CD99L2: variants seen among roughly 807,000 people sequenced by gnomAD.
CD99L2 encodes the protein CD99 antigen-like protein 2.
A neutral mutation model predicts 27.3 loss-of-function variants in CD99L2; 24 were observed. That is an observed-to-expected ratio of 0.88 (90% CI 0.64 to 1.24). The LOEUF (loss-of-function observed/expected upper bound fraction) is 1.24, where lower values mean the gene tolerates loss of function less well. CD99L2 is among the 50% of genes most tolerant of loss of function. The pLI is 0.00. For synonymous variants in CD99L2, 97 were observed against 87.9 expected (o/e 1.10, Z -0.58); for missense variants, 255 against 221.6 (o/e 1.15, Z -0.96).
At position 150,775,957 on chromosome X, in the gene CD99L2, C is replaced by A. The variant is rs148043989; in HGVS notation, c.655+217G>T. Reference sequence around the variant, plus strand: ...CCCTGGAAGGTGAAGGTCATCAGGGCCAGCCCCACGCGCTCTTGCAGGGTG... The same window carrying A: ...CCCTGGAAGGTGAAGGTCATCAGGGACAGCCCCACGCGCTCTTGCAGGGTG... On this transcript the variant is annotated intron_variant, in intron 9 of 10. Transcript: ENST00000370377. 9.8e-3 allele frequency among the ~76,000 whole-genome samples: 1,100 copies of A among 112,461 alleles called. 15 individuals are homozygous for A. Among genetic ancestry groups the A allele is most frequent in the African/African-American group, 0.033 (1,034 of 30,928 alleles).
In CD99L2 at chrX:150,883,440, A is replaced by G. The variant is rs141807868; in HGVS notation, c.67+15082T>C. The stretch of plus-strand genomic sequence containing the variant: ...CTTCTCATATTAAGCTGGGACCCCA[A>G]CGTGTTACACCCTTGGGGCAAGGGC... On this transcript the variant is annotated intron_variant, in intron 1 of 10. Transcript: ENST00000370377. 8.2e-3 allele frequency among the ~76,000 whole-genome samples: 913 copies of G among 111,209 alleles called. 10 individuals carry two copies. Among genetic ancestry groups the G allele is most frequent in the Middle Eastern group, 0.014 (3 of 216 alleles).
intron 1 of CD99L2, among the ~76,000 whole-genome samples, chrX:150,889,321 T>A (rs1447011251): frequency 8.9e-6 from 1 of 112,618 alleles, no homozygotes; most frequent in African/African-American, 3.2e-5. Context: ...GGCTTCTTTG[T>A]CCTCTGGCCT....
chrX:150,767,057 C>G lies in CD99L2; in HGVS notation c.*1977G>C, dbSNP rs958002819. 2.7e-5 allele frequency: 3 copies of G among 112,065 alleles called. No individual in the cohort carries two copies. In the Admixed American group the frequency reaches 2.8e-4, roughly 11 times the overall value. 9.2% of individuals were successfully genotyped at this position (112,065 alleles called of 1,213,427 possible). Reference sequence around the variant, plus strand: ...TCAAGGACTTAGCCATCCGACAGGCCTCACCATAAAGGTAAAGTGGACAAC... The same window carrying G: ...TCAAGGACTTAGCCATCCGACAGGCGTCACCATAAAGGTAAAGTGGACAAC... On this transcript the variant is annotated 3_prime_UTR_variant, in exon 11 of 11. Coordinates refer to ENST00000370377, the MANE Select transcript of CD99L2 (RefSeq NM_031462.4).
At chrX:150,817,140 A>G (rs1268220349) in intron 2 of CD99L2, among the ~76,000 whole-genome samples, 1 of 103,160 alleles carries the variant, frequency 9.7e-6, no homozygotes, top group Non-Finnish European at 2.0e-5. Flanking sequence ...TGGCACATGT[A>G]TACATATGTA....
intron 2 of CD99L2, among the ~76,000 whole-genome samples, chrX:150,825,863 T>C (rs1371866735): frequency 8.9e-6 from 1 of 112,197 alleles, no homozygotes; most frequent in Non-Finnish European, 1.9e-5. Flanking sequence ...CTCTGTAATA[T>C]CGTGCTGTAC....
chrX:150,768,728 C>G lies in CD99L2; in HGVS notation c.*306G>C, dbSNP rs1453869695. The G allele has an allele frequency of 2.4e-5, 8 of 337,984 alleles. No individual in the cohort carries two copies. Among genetic ancestry groups the G allele is most frequent in the Non-Finnish European group, 3.9e-5 (8 of 206,887 alleles). 27.9% of individuals were successfully genotyped at this position (337,984 alleles called of 1,213,427 possible). A position where few individuals can be genotyped will look rare whatever the true frequency, so the allele number is the denominator to read the frequency against. The stretch of plus-strand genomic sequence containing the variant: ...CAGGCCTCAGCATCATCTTGGCCCC[C>G]GCATCCTGTGCTCAGTAAAGCTGGA... On this transcript the variant is annotated 3_prime_UTR_variant, in exon 11 of 11. Transcript: ENST00000370377.
intron 1 of CD99L2, among the ~76,000 whole-genome samples, chrX:150,845,719 A>G (rs1172326587): frequency 8.9e-6 from 1 of 112,005 alleles, no homozygotes; most frequent in African/African-American, 3.3e-5. Flanking sequence ...TGAAAGTGTC[A>G]TACCTGATTA....
intron 1 of CD99L2, among the ~76,000 whole-genome samples, chrX:150,838,408 T>C (rs188045028): frequency 4.6e-4 from 51 of 111,894 alleles, no homozygotes; most frequent in African/African-American, 1.5e-3. Flanking sequence ...CTGTGACAAA[T>C]GCATCATGCT....
rs1270797578 is a variant in CD99L2 at position 150,820,121 on chromosome X, T to C, written c.131-4043A>G. On this transcript the variant is annotated intron_variant, in intron 2 of 10. Coordinates refer to ENST00000370377, the MANE Select transcript of CD99L2 (RefSeq NM_031462.4). Reference sequence around the variant, plus strand: ...CCTCTTATGAATGTAGAGGCAAAAATCCTCAATAAAATACTAGCAAACCAA... The same window carrying C: ...CCTCTTATGAATGTAGAGGCAAAAACCCTCAATAAAATACTAGCAAACCAA... Among the ~76,000 whole-genome samples, 15 of 110,259 alleles carry C rather than the reference T, an allele frequency of 1.4e-4. No homozygotes were observed. In the Admixed American group the frequency reaches 1.5e-3, roughly 11 times the overall value.
intron 2 of CD99L2, among the ~76,000 whole-genome samples, chrX:150,830,894 C>T (rs1376515354): frequency 2.7e-5 from 3 of 110,625 alleles, no homozygotes; most frequent in South Asian, 7.8e-4. Context: ...CTGCAACCTC[C>T]ACCCCCCGGG....
chrX:150,820,904 AAAT>A (rs1281731667), intron 2 of CD99L2, among the ~76,000 whole-genome samples: 1 of 112,208 alleles, frequency 8.9e-6, no homozygotes, highest in African/African-American at 3.2e-5. Flanking sequence ...CAAAAGAAGA[AAAT>A]AATTTCATTT....
intron 7 of CD99L2, among the ~76,000 whole-genome samples, chrX:150,788,683 G>A (rs782253499): frequency 4.5e-5 from 5 of 111,711 alleles, no homozygotes; most frequent in Non-Finnish European, 9.4e-5. Flanking sequence ...AAAACAGCTT[G>A]AGTCCACGGC....
At chrX:150,779,475 C>A (rs2045474385) in intron 7 of CD99L2, among the ~76,000 whole-genome samples, 1 of 112,537 alleles carries the variant, frequency 8.9e-6, no homozygotes, top group Non-Finnish European at 1.9e-5. Context: ...AGCCAGTCAT[C>A]TTAGATCCTT....
chrX:150,778,972 G>C lies in CD99L2; in HGVS notation c.497-1490C>G, dbSNP rs1272221974. On this transcript the variant is annotated intron_variant, in intron 7 of 10. Transcript: ENST00000370377. Reference sequence around the variant, plus strand: ...GAGAGGTCCCCTCCGCTATGCTGGAGGTGGCTGTCGTGATGGCATCCTCTG... The same window carrying C: ...GAGAGGTCCCCTCCGCTATGCTGGACGTGGCTGTCGTGATGGCATCCTCTG... 2.7e-5 allele frequency among the ~76,000 whole-genome samples: 3 copies of C among 111,570 alleles called. No individual in the cohort carries two copies. In the Admixed American group the frequency reaches 2.8e-4, roughly 11 times the overall value.
At chrX:150,776,749 C>G (rs1198459729) in intron 8 of CD99L2, among the ~76,000 whole-genome samples, 2 of 112,142 alleles carry the variant, frequency 1.8e-5, no homozygotes, top group African/African-American at 6.5e-5. Flanking sequence ...TGTGAAATAT[C>G]TGAGATGGGC....
intron 4 of CD99L2, among the ~76,000 whole-genome samples, chrX:150,814,378 G>T (rs1420488318): frequency 3.6e-5 from 4 of 111,498 alleles, no homozygotes; most frequent in Admixed American, 2.8e-4. Context: ...TGGGTGTGAG[G>T]CCAGATTTCC....
intron 1 of CD99L2, among the ~76,000 whole-genome samples, chrX:150,886,539 C>T (rs920922211): frequency 6.2e-5 from 7 of 112,619 alleles, no homozygotes; most frequent in African/African-American, 2.3e-4. Flanking sequence ...CACTCCATGA[C>T]GTTCACACAA....
intron 4 of CD99L2, among the ~76,000 whole-genome samples, chrX:150,797,963 T>C (rs1471683218): frequency 9.7e-6 from 1 of 102,872 alleles, no homozygotes; most frequent in Non-Finnish European, 2.0e-5. Context: ...AAAGATTGCT[T>C]GAGCCCAGGT....
intron 7 of CD99L2, among the ~76,000 whole-genome samples, chrX:150,781,729 C>A (rs1164874135): frequency 8.9e-6 from 1 of 111,779 alleles, no homozygotes; most frequent in Non-Finnish European, 1.9e-5. Flanking sequence ...GCAATAGGGA[C>A]CGTCACTGTA....
Sources: gnomAD v4.1 joint callset for allele counts (sites outside exome capture counted in the v4.1 genomes callset) on GRCh38, gnomAD v4.1.1 for gene constraint, MANE v1.5 for transcripts, NCBI Gene and HGNC (gene_info 2026-07-23, HGNC 2026-07-21) for gene names.